The following GLCCI1 variants were observed in gnomAD, a reference collection of about 807,000 sequenced individuals.
The protein encoded by GLCCI1 is glucocorticoid induced 1, also known as glucocorticoid-induced transcript 1 protein.
Under a neutral mutation model 52.2 loss-of-function variants are expected in GLCCI1, and 24 were observed. The ratio of observed to expected loss-of-function variants is 0.46; its 90% CI spans 0.33 to 0.65. The LOEUF is 0.65. GLCCI1 is among the 30% of genes least tolerant of loss of function. The pLI is 0.02. For missense variants in GLCCI1, 704 were observed against 701.5 expected (o/e 1.00, Z -0.04); for synonymous variants, 310 against 276.5 (o/e 1.12, Z -1.20).
At chr7:8,066,620 G>A (rs1782637060) in intron 5 of GLCCI1, among the ~76,000 whole-genome samples, 1 of 151,106 alleles carries the variant, frequency 6.6e-6, no homozygotes, top group Non-Finnish European at 1.5e-5. Context: ...CTTGATTTCT[G>A]CCTTAATTTC....
At chr7:8,071,188 T>G in intron 6 of GLCCI1, 57 bp downstream of exon 6, 1 of 1,348,786 alleles carries the variant, frequency 7.4e-7, no homozygotes. Context: ...CATTATACCT[T>G]GTCTTAGACC....
intron 5 of GLCCI1, among the ~76,000 whole-genome samples, chr7:8,067,306 C>T (rs1311447687): frequency 1.3e-5 from 2 of 152,136 alleles, no homozygotes; most frequent in African/African-American, 2.4e-5. Context: ...AAGACGCCTA[C>T]TGTTTAGTCT....
chr7:8,056,431 C>A (rs1782398981), intron 4 of GLCCI1, among the ~76,000 whole-genome samples: 1 of 152,222 alleles, frequency 6.6e-6, no homozygotes, highest in Admixed American at 6.5e-5. Context: ...ATCTTCCTAA[C>A]AGTTCCTTTA....
intron 3 of GLCCI1, among the ~76,000 whole-genome samples, chr7:8,038,780 A>G (rs1781929348): frequency 6.6e-6 from 1 of 152,164 alleles, no homozygotes; most frequent in South Asian, 2.1e-4. Context: ...TAATTAAACT[A>G]AAAAGCCTCT....
chr7:8,023,585 A>ATTATTTTTTTTTTT (rs1268659559), intron 3 of GLCCI1, among the ~76,000 whole-genome samples: 1 of 39,780 alleles, frequency 2.5e-5, no homozygotes, highest in African/African-American at 1.1e-4. Context: ...AATCTCTGTT[A>ATTATTTTTTTTTTT]TTCTTTTTTT....
intron 1 of GLCCI1, among the ~76,000 whole-genome samples, chr7:7,984,114 G>A (rs1277849693): frequency 1.3e-5 from 2 of 152,154 alleles, no homozygotes; most frequent in Non-Finnish European, 2.9e-5. Context: ...CAGGCTGATT[G>A]CAGTGGCGCA....
intron 3 of GLCCI1, among the ~76,000 whole-genome samples, chr7:8,029,859 C>G (rs747008432): frequency 1.3e-5 from 2 of 151,960 alleles, no homozygotes; most frequent in Non-Finnish European, 2.9e-5. Context: ...TGAAAGATCT[C>G]TACAATGAAA....
At chr7:8,073,114 T>G (rs914155025) in intron 6 of GLCCI1, among the ~76,000 whole-genome samples, 1 of 152,166 alleles carries the variant, frequency 6.6e-6, no homozygotes, top group African/African-American at 2.4e-5. Flanking sequence ...CAGGAGACAT[T>G]GTAACATAGA....
chr7:8,026,330 G>A lies in GLCCI1; in HGVS notation c.696+3761G>A, dbSNP rs564414942. Among the ~76,000 whole-genome samples the A allele has an allele frequency of 3.0e-4, 46 of 152,240 alleles. 1 individual carries two copies. The highest frequency in any genetic ancestry group is 1.1e-3 in the African/African-American group (44 of 41,540). ...CATACTAAAAAATATCACAAAGCAG[G>A]AAAGGAAGAATAGGTAAACAAAAAA... On this transcript the variant is annotated intron_variant, in intron 3 of 7. Transcript: ENST00000223145.
At chr7:8,031,551 T>G (rs1554261057) in intron 3 of GLCCI1, among the ~76,000 whole-genome samples, 2 of 152,076 alleles carry the variant, frequency 1.3e-5, no homozygotes, top group Non-Finnish European at 2.9e-5. Flanking sequence ...AGGGTATAAT[T>G]GGGTTGTTAG....
chr7:8,055,439 G>A lies in GLCCI1; in HGVS notation c.703G>A (p.Ala235Thr). ...GSADQLKEQI[A>T]KLRQQLQRSK... ...TCTTTCCCTGTCCCCAAAGCAGATCGCCAAACTGAGGCAGCAACTACAACG... is the reference window on the plus strand; with the variant it reads ...TCTTTCCCTGTCCCCAAAGCAGATCACCAAACTGAGGCAGCAACTACAACG... The change falls in exon 4 of 8, where the codon GCC becomes ACC. Residue 235 changes from alanine (A) to threonine (T), a missense_variant. By Grantham distance (58) the Ala-to-Thr change is moderately conservative. This residue lies in a region of GLCCI1 where 547 missense variants were observed against 524.8 expected (regional missense o/e 1.04). Transcript: ENST00000223145. 3.7e-6 allele frequency: 6 copies of A among 1,610,572 alleles called. No homozygotes were observed. The highest frequency in any genetic ancestry group is 5.1e-6 in the Non-Finnish European group (6 of 1,177,314).
At chr7:8,052,457 C>A (rs1782279823) in intron 3 of GLCCI1, among the ~76,000 whole-genome samples, 1 of 152,178 alleles carries the variant, frequency 6.6e-6, no homozygotes. Flanking sequence ...GTTTAGTTAT[C>A]AGTTAGATGT....
chr7:8,056,299 A>G (rs1357126391), intron 4 of GLCCI1, among the ~76,000 whole-genome samples: 3 of 152,214 alleles, frequency 2.0e-5, no homozygotes, highest in Admixed American at 6.5e-5. Context: ...ATCCATCTCA[A>G]TGGTTAGCCT....
chr7:8,078,715 C>T (rs1782926401), intron 6 of GLCCI1: 1 of 152,130 alleles, frequency 6.6e-6, no homozygotes, highest in Non-Finnish European at 1.5e-5. Flanking sequence ...GAAGAAGAGT[C>T]AACAGCATTT....
In GLCCI1 at chr7:7,988,304, T is replaced by A. The variant is rs190083841; in HGVS notation, c.458-15604T>A. On this transcript the variant is annotated intron_variant, in intron 1 of 7. Transcript: ENST00000223145. ...TTTTGTTTTGTTTTGTTTTGTTTTG[T>A]TTTTTACTATCAGGTGTATTGTTAT... 3.9e-3 allele frequency among the ~76,000 whole-genome samples: 593 copies of A among 152,340 alleles called. 4 individuals carry two copies. Among genetic ancestry groups the A allele is most frequent in the African/African-American group, 0.014 (563 of 41,592 alleles).
intron 6 of GLCCI1, among the ~76,000 whole-genome samples, chr7:8,071,347 G>A (rs182732234): frequency 6.6e-6 from 1 of 152,026 alleles, no homozygotes; most frequent in Non-Finnish European, 1.5e-5. Flanking sequence ...CACAGCGCAT[G>A]GTTCTAACAG....
At chr7:8,042,412 T>G (rs1299780037) in intron 3 of GLCCI1, among the ~76,000 whole-genome samples, 1 of 152,132 alleles carries the variant, frequency 6.6e-6, no homozygotes, top group Non-Finnish European at 1.5e-5. Flanking sequence ...TAACAGGAGC[T>G]TGGAAGAACT....
chr7:8,004,602 T>C (rs1447817081), intron 2 of GLCCI1, among the ~76,000 whole-genome samples: 1 of 152,346 alleles, frequency 6.6e-6, no homozygotes, highest in Non-Finnish European at 1.5e-5. Flanking sequence ...AAAACATCTT[T>C]ATTCATGATT....
At chr7:7,981,276 C>G (rs540306432) in intron 1 of GLCCI1, 38 of 248,492 alleles carry the variant, frequency 1.5e-4, no homozygotes, top group Non-Finnish European at 2.4e-4. Context: ...TTCTTTCTTT[C>G]TTTCTTTCTC....
Sources: allele counts gnomAD v4.1 joint callset (sites outside exome capture counted in the v4.1 genomes callset), GRCh38; gene constraint gnomAD v4.1.1; regional missense constraint gnomAD v4.1.1; transcripts MANE v1.5; gene names NCBI Gene and HGNC (gene_info 2026-07-23, HGNC 2026-07-21).